ARHGEF11: variants seen among roughly 807,000 people sequenced by gnomAD.
The protein encoded by ARHGEF11 is Rho guanine nucleotide exchange factor 11.
In ARHGEF11, 55 loss-of-function variants were observed where a neutral mutation model predicts 193.7. The observed-to-expected ratio is 0.28, with a 90% CI of 0.23 to 0.36. ARHGEF11 has a LOEUF of 0.36. Among genes scored for constraint, ARHGEF11 ranks in the 10% least tolerant of loss-of-function variants. The probability of loss-of-function intolerance (pLI) is 1.00; values close to 1 mark genes in which losing one functional copy is unlikely to be tolerated. For synonymous variants in ARHGEF11, 693 were observed against 768.0 expected, an observed-to-expected ratio of 0.90 and a Z score of 1.62; for missense variants, 1,723 against 2,005.6, an observed-to-expected ratio of 0.86 and a Z score of 2.69.
At chr1:157,016,863 G>A (rs1187571410) in intron 1 of ARHGEF11, among the ~76,000 whole-genome samples, 3 of 151,628 alleles carry the variant, frequency 2.0e-5, no homozygotes, top group African/African-American at 4.9e-5. Flanking sequence ...CCAGGCTGGA[G>A]TGCAGTAGCA....
At chr1:156,963,086 T>C (rs1661190411) in intron 13 of ARHGEF11, 117 bp downstream of exon 13, 5 of 761,826 alleles carry the variant, frequency 6.6e-6, no homozygotes, top group Non-Finnish European at 1.1e-5. Flanking sequence ...GTCCTTGAAA[T>C]GCCTGACTGT....
At chr1:156,944,470 A>G (rs1035006083) in intron 30 of ARHGEF11, 37 bp from the exon 31 acceptor site, 8 of 1,591,680 alleles carry the variant, frequency 5.0e-6, no homozygotes, top group South Asian at 2.2e-5. Context: ...TCATTCATTC[A>G]TTCATTCATT....
chr1:156,941,548 G>T, intron 34 of ARHGEF11, 115 bp from the exon 35 acceptor site: 1 of 1,220,118 alleles, frequency 8.2e-7, no homozygotes, highest in Non-Finnish European at 1.2e-6. Flanking sequence ...TCTTCACCTG[G>T]CTGGTCTGCT....
At chr1:157,009,995 T>A (rs1179555509) in intron 1 of ARHGEF11, among the ~76,000 whole-genome samples, 1 of 151,972 alleles carries the variant, frequency 6.6e-6, no homozygotes, top group African/African-American at 2.4e-5. Flanking sequence ...ACAGCTAACA[T>A]CATACTCAAC....
chr1:156,946,674 C>T lies in ARHGEF11; in HGVS notation c.2682G>A (p.Gln894=). 1 of 1,614,116 alleles carries T rather than the reference C, an allele frequency of 6.2e-7. No homozygotes were observed. The highest frequency in any genetic ancestry group is 8.5e-7 in the Non-Finnish European group (1 of 1,179,996). The change falls in exon 28 of 41, where the codon CAG becomes CAA. Residue 894 remains glutamine, a synonymous_variant. Transcript: ENST00000368194. ...GCCAAGGACGCACCTGCATGAAGAG[C>T]TGGAATCGACTCTCCTTGCGTTGCT... ...KTKQRKESRF[Q]LFMQEAESHP... is the part of the protein sequence containing the mutation.
In ARHGEF11 at chr1:156,979,415, G is replaced by A. The variant is rs950289063; in HGVS notation, c.274-129C>T. 6 of 658,550 alleles carry A rather than the reference G, an allele frequency of 9.1e-6. No homozygotes were observed. In the Admixed American group the frequency reaches 1.6e-4, roughly 17 times the overall value. 40.8% of individuals were successfully genotyped at this position (658,550 alleles called of 1,614,324 possible). Reference sequence around the variant, plus strand: ...GAGTCTTGCTCTGTCACCCAGGCTGGAGTGCAGTGGCCCATCTCGGCTCAC... The same window carrying A: ...GAGTCTTGCTCTGTCACCCAGGCTGAAGTGCAGTGGCCCATCTCGGCTCAC... On this transcript the variant is annotated intron_variant, in intron 4 of 40. Coordinates refer to ENST00000368194, the MANE Select transcript of ARHGEF11 (RefSeq NM_198236.3).
intron 1 of ARHGEF11, among the ~76,000 whole-genome samples, chr1:156,992,727 TAG>T: frequency 6.6e-6 from 1 of 152,278 alleles, no homozygotes; most frequent in South Asian, 2.1e-4. Flanking sequence ...CGGTCTCACA[TAG>T]AGACAATCAG....
At chr1:156,985,010 CT>C (rs1159930257) in intron 2 of ARHGEF11, among the ~76,000 whole-genome samples, 3 of 151,298 alleles carry the variant, frequency 2.0e-5, no homozygotes, top group African/African-American at 7.3e-5. Flanking sequence ...GGGTTTTCTT[CT>C]TGTCATGTAT....
intron 22 of ARHGEF11, among the ~76,000 whole-genome samples, chr1:156,950,257 C>T (rs868601019): frequency 6.6e-6 from 1 of 151,994 alleles, no homozygotes; most frequent in Non-Finnish European, 1.5e-5. Flanking sequence ...ACGTGTTAAG[C>T]TGAAAAAAGG....
intron 3 of ARHGEF11, among the ~76,000 whole-genome samples, chr1:156,983,378 C>T (rs902922640): frequency 6.6e-5 from 10 of 152,176 alleles, no homozygotes; most frequent in Non-Finnish European, 1.2e-4. Flanking sequence ...CCTGCCACCA[C>T]GCCTGGCTAA....
At chr1:157,037,854 A>AC (rs1003584750) in intron 1 of ARHGEF11, among the ~76,000 whole-genome samples, 15 of 151,678 alleles carry the variant, frequency 9.9e-5, no homozygotes, top group Admixed American at 2.6e-4. Context: ...AACATGGTGA[A>AC]ACCCCCGTCT....
intron 1 of ARHGEF11, among the ~76,000 whole-genome samples, chr1:156,992,930 C>T (rs979926626): frequency 6.6e-6 from 1 of 152,200 alleles, no homozygotes; most frequent in East Asian, 1.9e-4. Flanking sequence ...AACATCACGT[C>T]CTTTCCATCT....
chr1:157,008,198 CA>C (rs1293263838), intron 1 of ARHGEF11, among the ~76,000 whole-genome samples: 1 of 152,072 alleles, frequency 6.6e-6, no homozygotes, highest in Non-Finnish European at 1.5e-5. Context: ...ATTTCACAGA[CA>C]AGGAAACTAA....
At position 156,937,378 on chromosome 1, in the gene ARHGEF11, C is replaced by G. The variant is rs1027493279; in HGVS notation, c.4311G>C (p.Gln1437His). 6.2e-7 allele frequency: 1 copy of G among 1,608,648 alleles called. No individual in the cohort carries two copies. Among genetic ancestry groups the G allele is most frequent in the South Asian group, 1.1e-5 (1 of 89,858 alleles). ...CATCGTTGCCTCCCTGCAGCTGAGGCTGAGGCTCTGTCTGCCCTGCAGGGA... is the reference window on the plus strand; with the variant it reads ...CATCGTTGCCTCCCTGCAGCTGAGGGTGAGGCTCTGTCTGCCCTGCAGGGA... ...DSLPAGQTEP[Q>H]PQLQGGNDDP... Residue 1437 changes from glutamine to histidine, a missense_variant, in exon 39 of 41, where the codon CAG becomes CAC. Coordinates refer to ENST00000368194, the MANE Select transcript of ARHGEF11 (RefSeq NM_198236.3).
At chr1:156,938,303 CAGCTGAGGG>C in intron 38 of ARHGEF11, 106 bp downstream of exon 38, 1 of 914,694 alleles carries the variant, frequency 1.1e-6, no homozygotes, top group Non-Finnish European at 1.6e-6. Context: ...CCATTCCAGG[CAGCTGAGGG>C]AGCTTGTGGG....
At position 157,045,089 on chromosome 1, in the gene ARHGEF11, A is replaced by T. The variant is rs1243517773; in HGVS notation, c.-759T>A. On this transcript the variant is annotated 5_prime_UTR_variant, in exon 1 of 41. Coordinates refer to ENST00000368194, the MANE Select transcript of ARHGEF11 (RefSeq NM_198236.3). ...TGAGCCAATTGCACCAAAAAAAAAA[A>T]TAAAATAAAAATCAAAGAACACCTG... 1.3e-5 allele frequency: 2 copies of T among 152,076 alleles called. No individual in the cohort carries two copies. Among genetic ancestry groups the T allele is most frequent in the Admixed American group, 6.6e-5 (1 of 15,258 alleles). 9.4% of individuals were successfully genotyped at this position (152,076 alleles called of 1,614,324 possible).
At chr1:156,939,934 C>T in intron 36 of ARHGEF11, 24 bp from the exon 37 acceptor site, 3 of 1,597,306 alleles carry the variant, frequency 1.9e-6, no homozygotes, top group Non-Finnish European at 2.5e-6. Context: ...AGGGTGATGT[C>T]TTCCCAGCAT....
chr1:156,957,606 TGGGC>T (rs1443674017), intron 18 of ARHGEF11, among the ~76,000 whole-genome samples, 182 bp downstream of exon 18: 1 of 152,210 alleles, frequency 6.6e-6, no homozygotes, highest in East Asian at 1.9e-4. Context: ...ATCAGGGGCG[TGGGC>T]CTCATCACCC....
intron 25 of ARHGEF11, 61 bp from the exon 26 acceptor site, chr1:156,947,511 C>A: frequency 1.3e-6 from 2 of 1,494,074 alleles, no homozygotes; most frequent in East Asian, 2.4e-5. Context: ...CAGCAAGTAT[C>A]TAGAGTCCCT....
Sources: allele counts gnomAD v4.1 joint callset (sites outside exome capture counted in the v4.1 genomes callset), GRCh38; gene constraint gnomAD v4.1.1; transcripts MANE v1.5; gene names NCBI Gene and HGNC (gene_info 2026-07-23, HGNC 2026-07-21).